GABRB3: variants seen among roughly 807,000 people sequenced by gnomAD.
GABRB3 encodes the protein gamma-aminobutyric acid receptor subunit beta-3.
In GABRB3, 14 loss-of-function variants were observed where a neutral mutation model predicts 52.1. That is an observed-to-expected ratio of 0.27 (90% CI 0.18 to 0.42). GABRB3 has a LOEUF of 0.42. Among genes scored for constraint, GABRB3 ranks in the 10% least tolerant of loss-of-function variants. The probability of loss-of-function intolerance (pLI) is 1.00; values close to 1 mark genes in which losing one functional copy is unlikely to be tolerated. For synonymous variants in GABRB3, 260 were observed against 232.3 expected (o/e 1.12, Z -1.08); for missense variants, 307 against 609.1 (o/e 0.50, Z 5.22).
intron 4 of GABRB3, among the ~76,000 whole-genome samples, chr15:26,601,745 C>T (rs1310760343): frequency 4.6e-5 from 7 of 151,824 alleles, no homozygotes; most frequent in African/African-American, 1.7e-4. Flanking sequence ...AACCTCAAAT[C>T]AAAAAATGTA....
chr15:26,618,864 A>T (rs1023097117), intron 4 of GABRB3, among the ~76,000 whole-genome samples: 1 of 151,478 alleles, frequency 6.6e-6, no homozygotes, highest in African/African-American at 2.4e-5. Flanking sequence ...GAAGGACATG[A>T]ACAGACACTT....
rs531746207 is a variant in GABRB3, at chr15:26,605,772, G to C, written c.461+15542C>G. On this transcript the variant is annotated intron_variant, in intron 4 of 8. Transcript: ENST00000311550. The stretch of plus-strand genomic sequence containing the variant: ...AGACTAGAAGGATGGTAAGTGTAGT[G>C]GGGGTACAGGGAGACAGAGAACAGG... Among the ~76,000 whole-genome samples the C allele has an allele frequency of 3.3e-5, 5 of 152,204 alleles. No homozygotes were observed. The South Asian group carries it at 1.0e-3, about 32-fold the overall frequency.
chr15:26,579,959 C>G (rs1343523133), intron 6 of GABRB3, among the ~76,000 whole-genome samples: 1 of 152,322 alleles, frequency 6.6e-6, no homozygotes, highest in African/African-American at 2.4e-5. Context: ...CAGCACCTAC[C>G]TCCTCTGGTC....
At chr15:26,589,677 T>C (rs1891122012) in intron 4 of GABRB3, among the ~76,000 whole-genome samples, 1 of 152,138 alleles carries the variant, frequency 6.6e-6, no homozygotes, top group South Asian at 2.1e-4. Flanking sequence ...AGAATGTCCA[T>C]TATTTGTTAG....
At chr15:26,625,747 C>T (rs569957821) in intron 3 of GABRB3, among the ~76,000 whole-genome samples, 1 of 152,222 alleles carries the variant, frequency 6.6e-6, no homozygotes, top group South Asian at 2.1e-4. Context: ...AAGCTGGCCA[C>T]TCTGCGGCAG....
At chr15:26,768,204 A>T (rs116144322) in intron 3 of GABRB3, among the ~76,000 whole-genome samples, 6,079 of 152,220 alleles carry the variant, frequency 0.04, 137 homozygotes, top group Middle Eastern at 0.092. Flanking sequence ...GAGAAAAAAA[A>T]AGTCCTGTAG....
At position 26,652,620 on chromosome 15, in the gene GABRB3, T is replaced by C. The variant is rs182536537; in HGVS notation, c.241-31086A>G. On this transcript the variant is annotated intron_variant, in intron 3 of 8. Coordinates refer to ENST00000311550, the MANE Select transcript of GABRB3 (RefSeq NM_000814.6). ...TATGTAGAAGTATAAATAGAGGCCA[T>C]AAACATTTCCTGGAAATAGTCAACA... 5.4e-3 allele frequency among the ~76,000 whole-genome samples: 826 copies of C among 152,250 alleles called. 3 individuals carry two copies. The highest frequency in any genetic ancestry group is 7.9e-3 in the Non-Finnish European group (538 of 68,028).
At chr15:26,628,949 GC>G in intron 3 of GABRB3, 2 of 1,534,680 alleles carry the variant, frequency 1.3e-6, no homozygotes. Context: ...CCTTGTGACT[GC>G]CGAGAGCCCG....
chr15:26,641,330 T>C (rs1035682951), intron 3 of GABRB3, among the ~76,000 whole-genome samples: 2 of 152,226 alleles, frequency 1.3e-5, no homozygotes, highest in Non-Finnish European at 2.9e-5. Context: ...TGGGAGACTC[T>C]GCAGAGAAGG....
intron 3 of GABRB3, among the ~76,000 whole-genome samples, chr15:26,717,095 A>G (rs115201527): frequency 0.11 from 11,396 of 107,210 alleles, 1,913 homozygotes; most frequent in Middle Eastern, 0.25. Flanking sequence ...CATCCACCCA[A>G]TGACAGCCCA....
At chr15:26,554,146 A>ATATATATATAAAG (rs1889627580) in intron 8 of GABRB3, among the ~76,000 whole-genome samples, 5 of 39,728 alleles carry the variant, frequency 1.3e-4, no homozygotes, top group African/African-American at 6.9e-4. Flanking sequence ...TATATAAAGT[A>ATATATATATAAAG]TATATATATA....
At chr15:26,553,492 T>A (rs1313387004) in intron 8 of GABRB3, 1 of 152,198 alleles carries the variant, frequency 6.6e-6, no homozygotes. Context: ...GTTTGGGAAT[T>A]ACGATATCAG....
At chr15:26,571,770 A>T (rs2140708084) in intron 6 of GABRB3, among the ~76,000 whole-genome samples, 1 of 152,344 alleles carries the variant, frequency 6.6e-6, no homozygotes, top group African/African-American at 2.4e-5. Flanking sequence ...GCATTTGTTT[A>T]GCAAATACAT....
chr15:26,773,458 G>A (rs867925154), upstream of GABRB3, among the ~76,000 whole-genome samples: 16 of 151,532 alleles, frequency 1.1e-4, no homozygotes, highest in African/African-American at 3.9e-4. Flanking sequence ...CGGCAGCCTC[G>A]GCGCCGGCAT....
chr15:26,577,783 T>C (rs1890645855), intron 6 of GABRB3, among the ~76,000 whole-genome samples: 1 of 152,078 alleles, frequency 6.6e-6, no homozygotes, highest in Non-Finnish European at 1.5e-5. Context: ...TGTTTGTTCT[T>C]TTCTAGCTCC....
intron 3 of GABRB3, among the ~76,000 whole-genome samples, chr15:26,688,069 T>G (rs1888462628): frequency 6.6e-6 from 1 of 152,208 alleles, no homozygotes; most frequent in South Asian, 2.1e-4. Context: ...GTTTTCTTCA[T>G]TTCATAATGA....
At chr15:26,763,607 T>TACACACACACACACACACACACACACAC (rs150301275) in intron 3 of GABRB3, among the ~76,000 whole-genome samples, 9 of 145,856 alleles carry the variant, frequency 6.2e-5, no homozygotes, top group Non-Finnish European at 1.2e-4. Flanking sequence ...TCTGCATAGA[T>TACACACACACACACACACACACACACAC]ACACACACAC....
chr15:26,717,272 A>C (rs1451690096), intron 3 of GABRB3, among the ~76,000 whole-genome samples: 30 of 112,666 alleles, frequency 2.7e-4, no homozygotes, highest in African/African-American at 6.5e-4. Flanking sequence ...CTCTGGGGAT[A>C]TCCACCCGAT....
chr15:26,630,575 G>A (rs1210247601), intron 3 of GABRB3, among the ~76,000 whole-genome samples: 1 of 152,148 alleles, frequency 6.6e-6, no homozygotes, highest in Non-Finnish European at 1.5e-5. Flanking sequence ...TCGAGTAAGA[G>A]TTGCATTCAA....
Sources: allele counts gnomAD v4.1 joint callset (sites outside exome capture counted in the v4.1 genomes callset), GRCh38; gene constraint gnomAD v4.1.1; transcripts MANE v1.5; gene names NCBI Gene and HGNC (gene_info 2026-07-23, HGNC 2026-07-21).